The following FPR2 variants were observed in gnomAD, a reference collection of about 807,000 sequenced individuals.
The protein encoded by FPR2 is N-formyl peptide receptor 2.
Under a neutral mutation model 4.0 loss-of-function variants are expected in FPR2, and 3 were observed. The ratio of observed to expected loss-of-function variants is 0.74; its 90% CI spans 0.34 to 1.92. FPR2 has a LOEUF of 1.92. Ranked by LOEUF, FPR2 falls within the 30% of genes most tolerant of loss-of-function variation. The pLI is 0.07. For synonymous variants in FPR2, 179 were observed against 171.5 expected, an observed-to-expected ratio of 1.04 and a Z score of -0.34; for missense variants, 372 against 435.7, an observed-to-expected ratio of 0.85 and a Z score of 1.30.
At chr19:51,767,469 G>A (rs573411877) in intron 1 of FPR2, among the ~76,000 whole-genome samples, 10 of 152,304 alleles carry the variant, frequency 6.6e-5, no homozygotes, top group Middle Eastern at 6.8e-3. Flanking sequence ...ATTTAGTCAC[G>A]TGTCCACTAC....
chr19:51,762,625 C>T (rs2083845652), intron 1 of FPR2: 1 of 152,300 alleles, frequency 6.6e-6, no homozygotes, highest in South Asian at 2.1e-4. Context: ...CTCCTGACCT[C>T]TGGTGACCCA....
chr19:51,761,496 G>A (rs2083838056), intron 1 of FPR2, among the ~76,000 whole-genome samples: 1 of 151,946 alleles, frequency 6.6e-6, no homozygotes, highest in African/African-American at 2.4e-5. Context: ...TTTTTTATTT[G>A]CGGGGTTAAA....
At position 51,769,676 on chromosome 19, in the gene FPR2, G is replaced by C; in HGVS notation, c.1018G>C (p.Ala340Pro). ...AACTAATGACACGGCTGCCAATTCTGCTTCACCTCCTGCAGAGACTGAGTT... is the reference window on the plus strand; with the variant it reads ...AACTAATGACACGGCTGCCAATTCTCCTTCACCTCCTGCAGAGACTGAGTT... ...APTNDTAANS[A>P]SPPAETELQA... Residue 340 changes from alanine (A) to proline (P), a missense_variant, in exon 2 of 2, where the codon GCT becomes CCT. Ala to Pro is a conservative substitution (Grantham distance 27). Transcript: ENST00000340023. The surrounding 1 kb of genome is among the most constrained non-coding windows in gnomAD (Gnocchi z 4.4). The C allele has an allele frequency of 2.5e-6, 4 of 1,614,128 alleles. No homozygotes were observed. Among genetic ancestry groups the C allele is most frequent in the Non-Finnish European group, 3.4e-6 (4 of 1,180,028 alleles).
chr19:51,766,834 C>G (rs17834679), intron 1 of FPR2, among the ~76,000 whole-genome samples: 39,777 of 152,106 alleles, frequency 0.26, 5,303 homozygotes, highest in East Asian at 0.37. Flanking sequence ...TGCTGAATAG[C>G]CCAGTCTGAG....
intron 1 of FPR2, chr19:51,762,761 G>T (rs1568643594): frequency 6.6e-6 from 1 of 152,200 alleles, no homozygotes; most frequent in South Asian, 2.1e-4. Context: ...GGGAAAGTAG[G>T]ACCAGGAACA....
At position 51,768,886 on chromosome 19, in the gene FPR2, C is replaced by T. The variant is rs1283307717; in HGVS notation, c.228C>T (p.Ala76=). The T allele has an allele frequency of 6.2e-7, 1 of 1,614,174 alleles. No individual in the cohort carries two copies. ...CCCTGGCTGACTTTTCTTTCACGGC[C>T]ACATTACCATTCCTCATTGTCTCCA... ...NLALADFSFT[A]TLPFLIVSMA... The change falls in exon 2 of 2, where the codon GCC becomes GCT. Residue 76 remains alanine (A), a synonymous_variant. Transcript: ENST00000340023.
chr19:51,761,357 T>C (rs1373763499), intron 1 of FPR2, 127 bp downstream of exon 1: 2 of 152,262 alleles, frequency 1.3e-5, no homozygotes, highest in East Asian at 1.9e-4. Context: ...TGAGTGCCTA[T>C]GTTTCTATCT....
In FPR2 at chr19:51,768,658, G is replaced by C. The variant is rs2083880597; in HGVS notation, c.-1G>C. ...GGAATGTTTCAGGTGCTGCTGGCAA[G>C]ATGGAAACCAACTTCTCCACTCCTC... is the stretch of plus-strand genomic sequence containing the variant. On this transcript the variant is annotated 5_prime_UTR_variant, in exon 2 of 2. Coordinates refer to ENST00000340023, the MANE Select transcript of FPR2 (RefSeq NM_001005738.2). 6.3e-7 allele frequency: 1 copy of C among 1,594,836 alleles called. No homozygotes were observed. The highest frequency in any genetic ancestry group is 8.6e-7 in the Non-Finnish European group (1 of 1,168,484).
rs762991066 is a variant in FPR2, at chr19:51,768,931, G to A, written c.273G>A (p.Trp91Ter). 1.2e-6 allele frequency: 2 copies of A among 1,614,144 alleles called. No individual in the cohort carries two copies. Among genetic ancestry groups the A allele is most frequent in the South Asian group, 2.2e-5 (2 of 91,070 alleles). The change falls in exon 2 of 2, where the codon TGG (tryptophan) becomes TGA (stop). Residue 91 changes from tryptophan to a stop codon, truncating the protein, a stop_gained. Coordinates refer to ENST00000340023, the MANE Select transcript of FPR2 (RefSeq NM_001005738.2). LOFTEE classifies it low-confidence loss of function (END_TRUNC). ...TCTCCATGGCCATGGGAGAAAAATGGCCTTTTGGCTGGTTCCTGTGTAAGT... is the reference window on the plus strand; with the variant it reads ...TCTCCATGGCCATGGGAGAAAAATGACCTTTTGGCTGGTTCCTGTGTAAGT... ...LIVSMAMGEKWPFGWFLCKLI... is the reference protein window; with the variant it reads ...LIVSMAMGEK
intron 1 of FPR2, chr19:51,763,146 A>G (rs1002631542): frequency 5.9e-5 from 9 of 152,176 alleles, no homozygotes; most frequent in African/African-American, 2.2e-4. Flanking sequence ...AGAGAGCATG[A>G]TATTTTAAGC....
In FPR2 at chr19:51,769,433, C is replaced by T; in HGVS notation, c.775C>T (p.Leu259=). 1 of 1,614,238 alleles carries T rather than the reference C, an allele frequency of 6.2e-7. No homozygotes were observed. Among genetic ancestry groups the T allele is most frequent in the Non-Finnish European group, 8.5e-7 (1 of 1,180,042 alleles). The change falls in exon 2 of 2, where the codon CTG becomes TTG. Residue 259 remains leucine, a synonymous_variant. Coordinates refer to ENST00000340023, the MANE Select transcript of FPR2 (RefSeq NM_001005738.2). This position sits in a 1 kb window ranked among gnomAD's most constrained non-coding sequence, Gnocchi z 4.4. ...CTTCATCTGTTGGTTTCCCTTTCAACTGGTTGCCCTTCTGGGCACCGTCTG... is the reference window on the plus strand; with the variant it reads ...CTTCATCTGTTGGTTTCCCTTTCAATTGGTTGCCCTTCTGGGCACCGTCTG... ...SFFICWFPFQ[L]VALLGTVWLK... is the part of the protein sequence containing the mutation.
Position 51,768,954 on chromosome 19 carries a change from A to T in FPR2, c.296A>T (p.Lys99Met), listed in dbSNP as rs1203326424. 3.1e-6 allele frequency: 5 copies of T among 1,613,996 alleles called. No homozygotes were observed. Among genetic ancestry groups the T allele is most frequent in the Non-Finnish European group, 4.2e-6 (5 of 1,180,040 alleles). ...TGGCCTTTTGGCTGGTTCCTGTGTAAGTTAATTCACATCGTGGTGGACATC... is the reference window on the plus strand; with the variant it reads ...TGGCCTTTTGGCTGGTTCCTGTGTATGTTAATTCACATCGTGGTGGACATC... ...EKWPFGWFLC[K>M]LIHIVVDINL... Residue 99 changes from lysine to methionine, a missense_variant, in exon 2 of 2, where the codon AAG becomes ATG. Physicochemically the swap from Lys to Met is moderately conservative, Grantham distance 95. Coordinates refer to ENST00000340023, the MANE Select transcript of FPR2 (RefSeq NM_001005738.2).
At chr19:51,761,673 A>G (rs963258235) in intron 1 of FPR2, among the ~76,000 whole-genome samples, 2 of 152,190 alleles carry the variant, frequency 1.3e-5, no homozygotes, top group Admixed American at 6.5e-5. Flanking sequence ...GGAGCCTGTA[A>G]TCCCAGCTAC....
At chr19:51,766,153 T>G (rs1258785036) in intron 1 of FPR2, among the ~76,000 whole-genome samples, 1 of 151,230 alleles carries the variant, frequency 6.6e-6, no homozygotes, top group Non-Finnish European at 1.5e-5. Flanking sequence ...ACTCCTGACC[T>G]CAGGCAATCC....
intron 1 of FPR2, among the ~76,000 whole-genome samples, chr19:51,762,014 A>G (rs1338235992): frequency 6.6e-6 from 1 of 152,086 alleles, no homozygotes; most frequent in Non-Finnish European, 1.5e-5. Flanking sequence ...GAGGGAACTT[A>G]AGATAAGGAT....
intron 1 of FPR2, chr19:51,762,395 T>A (rs1200113663): frequency 7.5e-6 from 1 of 133,422 alleles, no homozygotes; most frequent in Non-Finnish European, 1.6e-5. Context: ...CTTATTGGAC[T>A]TTTTTTTTTT....
chr19:51,766,595 G>A (rs2083869774), intron 1 of FPR2, among the ~76,000 whole-genome samples: 4 of 152,154 alleles, frequency 2.6e-5, no homozygotes. Flanking sequence ...GTAATCTTGG[G>A]GGAATCCCTT....
At chr19:51,761,892 A>G (rs1357006885) in intron 1 of FPR2, among the ~76,000 whole-genome samples, 2 of 152,156 alleles carry the variant, frequency 1.3e-5, no homozygotes, top group African/African-American at 2.4e-5. Flanking sequence ...CCGAGATGAC[A>G]ATGAGCTGCA....
Position 51,769,573 on chromosome 19 carries a change from G to A in FPR2, c.915G>A (p.Val305=). Reference sequence around the variant, plus strand: ...TCAACCCCATGCTTTACGTCTTTGTGGGCCAAGACTTCCGAGAGAGACTGA... The same window carrying A: ...TCAACCCCATGCTTTACGTCTTTGTAGGCCAAGACTTCCGAGAGAGACTGA... ...SCLNPMLYVF[V]GQDFRERLIH... Residue 305 remains valine (V), a synonymous_variant, in exon 2 of 2, where the codon GTG becomes GTA. Coordinates refer to ENST00000340023, the MANE Select transcript of FPR2 (RefSeq NM_001005738.2). The surrounding 1 kb of genome is among the most constrained non-coding windows in gnomAD (Gnocchi z 4.4). The A allele has an allele frequency of 6.2e-7, 1 of 1,614,132 alleles. No homozygotes were observed. The highest frequency in any genetic ancestry group is 1.1e-5 in the South Asian group (1 of 91,078).
Sources: gnomAD v4.1 joint callset for allele counts (sites outside exome capture counted in the v4.1 genomes callset) on GRCh38, gnomAD v4.1.1 for gene constraint, Gnocchi (gnomAD v3.1) non-coding constraint, MANE v1.5 for transcripts, NCBI Gene and HGNC (gene_info 2026-07-23, HGNC 2026-07-21) for gene names.